BNC2: variants seen among roughly 807,000 people sequenced by gnomAD.
BNC2 encodes the protein zinc finger protein basonuclin-2.
A neutral mutation model predicts 76.3 loss-of-function variants in BNC2; 20 were observed. The ratio of observed to expected loss-of-function variants is 0.26; its 90% CI spans 0.18 to 0.38. The LOEUF (loss-of-function observed/expected upper bound fraction) is 0.38, where lower values mean the gene tolerates loss of function less well. Ranked by LOEUF, BNC2 falls within the 10% of genes least tolerant of loss-of-function variation. BNC2 has a pLI of 1.00. For synonymous variants in BNC2, 582 were observed against 514.8 expected (o/e 1.13, Z -1.77); for missense variants, 1,382 against 1,399.8 (o/e 0.99, Z 0.20).
intron 1 of BNC2, among the ~76,000 whole-genome samples, chr9:16,862,647 T>A (rs749539583): frequency 6.6e-6 from 1 of 152,214 alleles, no homozygotes; most frequent in Non-Finnish European, 1.5e-5. Context: ...GCTACTGCCA[T>A]GTATTCCTCT....
intron 1 of BNC2, among the ~76,000 whole-genome samples, chr9:16,755,674 C>T (rs1825364583): frequency 6.6e-6 from 1 of 152,110 alleles, no homozygotes; most frequent in African/African-American, 2.4e-5. Flanking sequence ...GAATGCACTC[C>T]TGTCATTTCC....
intron 1 of BNC2, among the ~76,000 whole-genome samples, chr9:16,853,128 G>C (rs947344017): frequency 3.3e-5 from 5 of 152,128 alleles, no homozygotes; most frequent in Admixed American, 6.5e-5. Context: ...AGATACAATA[G>C]TATTCTGGGC....
At chr9:16,768,406 A>C (rs2135437824) in intron 1 of BNC2, among the ~76,000 whole-genome samples, 1 of 152,318 alleles carries the variant, frequency 6.6e-6, no homozygotes, top group Non-Finnish European at 1.5e-5. Context: ...CGGGAGTGTT[A>C]CAAGAAACTG....
At chr9:16,563,350 C>T (rs1248421228) in intron 4 of BNC2, among the ~76,000 whole-genome samples, 2 of 151,958 alleles carry the variant, frequency 1.3e-5, no homozygotes, top group African/African-American at 4.8e-5. Context: ...AGGACTTGGT[C>T]GCTCATGCCT....
At chr9:16,803,854 C>T (rs955936057) in intron 1 of BNC2, among the ~76,000 whole-genome samples, 8 of 152,152 alleles carry the variant, frequency 5.3e-5, no homozygotes, top group Non-Finnish European at 1.0e-4. Context: ...CTAAGGAGTG[C>T]GATCTTGCAT....
intron 5 of BNC2, among the ~76,000 whole-genome samples, chr9:16,455,394 T>C (rs1821425208): frequency 6.6e-6 from 1 of 152,238 alleles, no homozygotes; most frequent in African/African-American, 2.4e-5. Flanking sequence ...ATTCTTAATA[T>C]GGAGCTCTGC....
intron 6 of BNC2, chr9:16,434,805 A>G: frequency 2.2e-6 from 1 of 455,912 alleles, no homozygotes; most frequent in Middle Eastern, 3.3e-4. Context: ...CTGATCCTCA[A>G]AGTATATGCA....
At chr9:16,829,234 C>T (rs1586917315) in intron 1 of BNC2, among the ~76,000 whole-genome samples, 1 of 152,200 alleles carries the variant, frequency 6.6e-6, no homozygotes, top group African/African-American at 2.4e-5. Flanking sequence ...AAGAGAGGAG[C>T]GGGCTCAAAA....
intron 5 of BNC2, among the ~76,000 whole-genome samples, chr9:16,450,061 T>G (rs1821309334): frequency 6.6e-6 from 1 of 152,172 alleles, no homozygotes; most frequent in South Asian, 2.1e-4. Context: ...TCTTTGTAAT[T>G]GAGAACAGAT....
At chr9:16,660,083 T>C (rs1822064674) in intron 3 of BNC2, among the ~76,000 whole-genome samples, 1 of 152,250 alleles carries the variant, frequency 6.6e-6, no homozygotes. Context: ...ACCCCATAAT[T>C]AGTTGTTCTC....
chr9:16,469,980 G>C (rs1291209405), intron 5 of BNC2, among the ~76,000 whole-genome samples: 1 of 150,510 alleles, frequency 6.6e-6, no homozygotes, highest in African/African-American at 2.5e-5. Context: ...CTTGCATGCT[G>C]CTAATGGCAT....
rs1250636402 is a variant in BNC2, at chr9:16,410,361, T to A, written c.*8628A>T. The A allele has an allele frequency of 1.3e-5, 2 of 152,516 alleles. No homozygotes were observed. Among genetic ancestry groups the A allele is most frequent in the African/African-American group, 2.4e-5 (1 of 41,436 alleles). 9.4% of individuals were successfully genotyped at this position (152,516 alleles called of 1,614,324 possible). ...CTCATACTGCTGAGTGAGCTACACATGAAAAGCCCAGGTCGTCTCAAGCCC... is the reference window on the plus strand; with the variant it reads ...CTCATACTGCTGAGTGAGCTACACAAGAAAAGCCCAGGTCGTCTCAAGCCC... On this transcript the variant is annotated 3_prime_UTR_variant, in exon 7 of 7. Transcript: ENST00000380672.
chr9:16,503,574 G>A (rs1822565377), intron 5 of BNC2, among the ~76,000 whole-genome samples: 1 of 152,060 alleles, frequency 6.6e-6, no homozygotes. Context: ...CTAATCATAT[G>A]GTGATAGGAC....
chr9:16,595,954 CAT>C (rs1352061427), intron 3 of BNC2, among the ~76,000 whole-genome samples: 1 of 152,120 alleles, frequency 6.6e-6, no homozygotes, highest in Admixed American at 6.6e-5. Context: ...ACTGGGTTCA[CAT>C]GTGTGTCAGC....
At position 16,834,252 on chromosome 9, in the gene BNC2, C is replaced by T. The variant is rs1818650744; in HGVS notation, c.3+36394G>A. ...TGATATTTGTAGTATTTAATTTCTA[C>T]TCTTAACTATACTAATAAAAAATTC... On this transcript the variant is annotated intron_variant, in intron 1 of 6. Coordinates refer to ENST00000380672, the MANE Select transcript of BNC2 (RefSeq NM_017637.6). Among the ~76,000 whole-genome samples, 5 of 152,078 alleles carry T rather than the reference C, an allele frequency of 3.3e-5. No individual in the cohort carries two copies. In the South Asian group the frequency reaches 1.0e-3, roughly 31 times the overall value.
chr9:16,805,967 CA>C (rs1381581270), intron 1 of BNC2, among the ~76,000 whole-genome samples: 3 of 152,126 alleles, frequency 2.0e-5, no homozygotes, highest in Middle Eastern at 6.8e-3. Flanking sequence ...GTTTGTGAAG[CA>C]AACAGTACAA....
intron 1 of BNC2, among the ~76,000 whole-genome samples, chr9:16,795,184 CT>C (rs995177246): frequency 6.6e-6 from 1 of 151,334 alleles, no homozygotes; most frequent in African/African-American, 2.4e-5. Context: ...TCTTTTCTCA[CT>C]TTTTTTTTCA....
chr9:16,727,699 AG>A, intron 3 of BNC2, 97 bp downstream of exon 3: 2 of 1,090,622 alleles, frequency 1.8e-6, no homozygotes, highest in Non-Finnish European at 2.7e-6. Context: ...CATTTTAAAA[AG>A]TATTTAGAAA....
rs573544309 is a variant in BNC2 at position 16,686,101 on chromosome 9, T to G, written c.330+41696A>C. On this transcript the variant is annotated intron_variant, in intron 3 of 6. Transcript: ENST00000380672. ...AGTTCCTTTACGTTCTTAAAATATT[T>G]GTTCAAATTTATTTTTCCTGTTCCT... 2.0e-5 allele frequency among the ~76,000 whole-genome samples: 3 copies of G among 152,344 alleles called. No homozygotes were observed. The South Asian group carries it at 6.2e-4, about 32-fold the overall frequency.
Sources: gnomAD v4.1 joint callset for allele counts (sites outside exome capture counted in the v4.1 genomes callset) on GRCh38, gnomAD v4.1.1 for gene constraint, MANE v1.5 for transcripts, NCBI Gene and HGNC (gene_info 2026-07-23, HGNC 2026-07-21) for gene names.